Variants in ZFAND4 observed in about 807,000 individuals in gnomAD.
The protein encoded by ZFAND4 is zinc finger AN1-type containing 4.
ZFAND4 carries 43 observed loss-of-function variants against 64.4 expected under a neutral mutation model. The ratio of observed to expected loss-of-function variants is 0.67; its 90% CI spans 0.52 to 0.86. The LOEUF is 0.86. ZFAND4 is among the 40% of genes least tolerant of loss of function. ZFAND4 has a pLI of 0.00. For synonymous variants in ZFAND4, 296 were observed against 305.7 expected, an observed-to-expected ratio of 0.97 and a Z score of 0.33; for missense variants, 929 against 859.8, an observed-to-expected ratio of 1.08 and a Z score of -1.01.
intron 2 of ZFAND4, among the ~76,000 whole-genome samples, chr10:45,657,700 C>T (rs1356384238): frequency 6.6e-6 from 1 of 152,096 alleles, no homozygotes; most frequent in African/African-American, 2.4e-5. Flanking sequence ...TGTCCCTCAA[C>T]TTGGGAATGA....
Position 45,663,807 on chromosome 10 carries a change from T to A in ZFAND4, c.-82A>T. Reference sequence around the variant, plus strand: ...TAGGCAAACCAGGTTTGAAGATTGGTAATATATATTGTTGTTCATGTTTTG... The same window carrying A: ...TAGGCAAACCAGGTTTGAAGATTGGAAATATATATTGTTGTTCATGTTTTG... On this transcript the variant is annotated 5_prime_UTR_variant, in exon 2 of 10. Transcript: ENST00000344646. 8.2e-7 allele frequency: 1 copy of A among 1,213,682 alleles called. No individual in the cohort carries two copies. Among genetic ancestry groups the A allele is most frequent in the East Asian group, 2.7e-5 (1 of 37,122 alleles). 75.2% of individuals were successfully genotyped at this position (1,213,682 alleles called of 1,614,324 possible).
At chr10:45,669,287 T>C (rs918584146) in intron 1 of ZFAND4, among the ~76,000 whole-genome samples, 2 of 152,026 alleles carry the variant, frequency 1.3e-5, no homozygotes, top group African/African-American at 4.8e-5. Flanking sequence ...CTAGAAGAAA[T>C]TGATAAATTC....
rs1385848357 is a variant in ZFAND4, at chr10:45,640,271, T to C, written c.570-308A>G. ...CATTCCCAAAGAGGCAAAATCCATT[T>C]CCATGAGAATGTCTGATTTCATTTT... is the stretch of plus-strand genomic sequence containing the variant. On this transcript the variant is annotated intron_variant, in intron 5 of 9. Transcript: ENST00000344646. 7 of 1,229,640 alleles carry C rather than the reference T, an allele frequency of 5.7e-6. No homozygotes were observed. The South Asian group carries it at 7.5e-5, about 13-fold the overall frequency. The allele number at this position is 1,229,640 out of a possible 1,614,324, so 76.2% of individuals were successfully genotyped here.
chr10:45,621,704 C>T (rs1267248110), intron 8 of ZFAND4, among the ~76,000 whole-genome samples: 4 of 151,814 alleles, frequency 2.6e-5, no homozygotes, highest in Admixed American at 6.6e-5. Context: ...ATCGTGCCAC[C>T]GCACTCCAGC....
intron 1 of ZFAND4, among the ~76,000 whole-genome samples, chr10:45,669,584 G>A (rs1223675623): frequency 6.6e-6 from 1 of 152,138 alleles, no homozygotes; most frequent in East Asian, 1.9e-4. Context: ...CAAAAAAAGA[G>A]AATTTTAGAC....
intron 6 of ZFAND4, among the ~76,000 whole-genome samples, chr10:45,636,169 T>C (rs1219093830): frequency 6.6e-6 from 1 of 152,198 alleles, no homozygotes. Context: ...TATCAGAATA[T>C]TTTTATTCAG....
At chr10:45,652,279 AC>A (rs2047808977) in intron 3 of ZFAND4, among the ~76,000 whole-genome samples, 1 of 152,252 alleles carries the variant, frequency 6.6e-6, no homozygotes, top group East Asian at 1.9e-4. Flanking sequence ...CTCTGTGATT[AC>A]GTGTTTTAGC....
At chr10:45,662,972 A>C (rs77236316) in intron 2 of ZFAND4, among the ~76,000 whole-genome samples, 9,098 of 152,268 alleles carry the variant, frequency 0.06, 397 homozygotes, top group African/African-American at 0.12. Context: ...AATTTTAATA[A>C]AAATTAGTCT....
intron 2 of ZFAND4, among the ~76,000 whole-genome samples, chr10:45,660,312 C>T (rs2048388356): frequency 6.6e-6 from 1 of 151,760 alleles, no homozygotes; most frequent in African/African-American, 2.4e-5. Context: ...ATAGTGAAAT[C>T]CCATCTCAAA....
chr10:45,651,898 G>A (rs1236211535), intron 4 of ZFAND4, 68 bp downstream of exon 4: 6 of 1,369,120 alleles, frequency 4.4e-6, no homozygotes, highest in Non-Finnish European at 6.2e-6. Flanking sequence ...AAAACCTGAG[G>A]CTATAAAAAT....
intron 6 of ZFAND4, among the ~76,000 whole-genome samples, chr10:45,634,854 T>C (rs2046445048): frequency 6.6e-6 from 1 of 152,084 alleles, no homozygotes; most frequent in African/African-American, 2.4e-5. Flanking sequence ...AGCATTTCTA[T>C]ATACCAACAA....
At chr10:45,620,429 C>T (rs1383506947) in intron 8 of ZFAND4, among the ~76,000 whole-genome samples, 2 of 151,990 alleles carry the variant, frequency 1.3e-5, no homozygotes, top group Admixed American at 6.5e-5. Flanking sequence ...TGCAGTGAGC[C>T]GAGATCGTGC....
intron 8 of ZFAND4, among the ~76,000 whole-genome samples, chr10:45,621,421 T>TAA (rs537785392): frequency 2.3e-5 from 3 of 129,094 alleles, no homozygotes; most frequent in Admixed American, 7.8e-5. Flanking sequence ...GAGGGCTGGT[T>TAA]AAAAAAAAAA....
At chr10:45,622,157 A>C (rs1291455528) in intron 8 of ZFAND4, among the ~76,000 whole-genome samples, 1 of 152,258 alleles carries the variant, frequency 6.6e-6, no homozygotes, top group Non-Finnish European at 1.5e-5. Flanking sequence ...TAAAACAGAC[A>C]CATAGACCAA....
intron 4 of ZFAND4, chr10:45,650,084 T>C (rs1047737376): frequency 1.8e-4 from 27 of 152,280 alleles, no homozygotes; most frequent in African/African-American, 6.0e-4. Flanking sequence ...TTGATAATAG[T>C]TATTTCAAAA....
chr10:45,663,406 T>A, intron 2 of ZFAND4, 136 bp downstream of exon 2: 1 of 612,758 alleles, frequency 1.6e-6, no homozygotes, highest in Non-Finnish European at 2.7e-6. Flanking sequence ...AGAGAGGGAG[T>A]AGGAGGGGGT....
intron 2 of ZFAND4, among the ~76,000 whole-genome samples, chr10:45,657,784 T>C (rs2048227695): frequency 6.6e-6 from 1 of 152,040 alleles, no homozygotes; most frequent in Non-Finnish European, 1.5e-5. Context: ...CATATAACAA[T>C]ATGATAAGTC....
rs546749975 is a variant in ZFAND4 at position 45,635,205 on chromosome 10, A to C, written c.717+4611T>G. ...TCAAAGCCATCTAAGCAAAAAAAAA[A>C]AAAAAAAACAAAAAAAAAACAAACA... On this transcript the variant is annotated intron_variant, in intron 6 of 9. Coordinates refer to ENST00000344646, the MANE Select transcript of ZFAND4 (RefSeq NM_174890.4). Among the ~76,000 whole-genome samples the C allele has an allele frequency of 2.0e-3, 293 of 144,328 alleles. 3 individuals are homozygous for C. The highest frequency in any genetic ancestry group is 7.2e-3 in the African/African-American group (278 of 38,698). 94.7% of individuals were successfully genotyped at this position (144,328 alleles called of 152,430 possible). A position where few individuals can be genotyped will look rare whatever the true frequency, so the allele number is the denominator to read the frequency against.
chr10:45,638,605 T>C (rs1214664585), intron 6 of ZFAND4, among the ~76,000 whole-genome samples: 7 of 152,222 alleles, frequency 4.6e-5, no homozygotes, highest in African/African-American at 7.2e-5. Flanking sequence ...TTGCTAGGTA[T>C]ATGCTCCAAA....
Sources: gnomAD v4.1 joint callset for allele counts (sites outside exome capture counted in the v4.1 genomes callset) on GRCh38, gnomAD v4.1.1 for gene constraint, MANE v1.5 for transcripts, NCBI Gene and HGNC (gene_info 2026-07-23, HGNC 2026-07-21) for gene names.